Variants in MINK1 observed in about 807,000 individuals in gnomAD.
The protein encoded by MINK1 is misshapen-like kinase 1.
In MINK1, 46 loss-of-function variants were observed where a neutral mutation model predicts 178.4. The ratio of observed to expected loss-of-function variants is 0.26; its 90% CI spans 0.20 to 0.33. MINK1 has a LOEUF of 0.33. MINK1 is among the 10% of genes least tolerant of loss of function. The probability of loss-of-function intolerance (pLI) is 1.00; values close to 1 mark genes in which losing one functional copy is unlikely to be tolerated. For synonymous variants in MINK1, 797 were observed against 709.7 expected, an observed-to-expected ratio of 1.12 and a Z score of -1.96; for missense variants, 1,366 against 1,814.9, an observed-to-expected ratio of 0.75 and a Z score of 4.49.
At chr17:4,835,948 T>C (rs1434161804) in intron 1 of MINK1, among the ~76,000 whole-genome samples, 1 of 152,164 alleles carries the variant, frequency 6.6e-6, no homozygotes, top group African/African-American at 2.4e-5. Context: ...AGCATTCTGC[T>C]TCCCCCTTTC....
At chr17:4,889,522 G>T in intron 12 of MINK1, 125 bp from the exon 13 acceptor site, 1 of 839,506 alleles carries the variant, frequency 1.2e-6, no homozygotes, top group Non-Finnish European at 1.9e-6. Context: ...GCAGAAACAA[G>T]CGGAAGCCGG....
Position 4,894,409 on chromosome 17 carries a change from T to C in MINK1, c.2808+98T>C. On this transcript the variant is annotated intron_variant, in intron 23 of 31. Transcript: ENST00000355280. The surrounding 1 kb of genome is among the most constrained non-coding windows in gnomAD (Gnocchi z 4.1). Reference sequence around the variant, plus strand: ...AACGGCAGAGGATGGGGCGGAGCGCTGGGAGCTGGACAGCGGGGGTGCCAG... The same window carrying C: ...AACGGCAGAGGATGGGGCGGAGCGCCGGGAGCTGGACAGCGGGGGTGCCAG... The C allele has an allele frequency of 6.5e-7, 1 of 1,540,298 alleles. No homozygotes were observed. Among genetic ancestry groups the C allele is most frequent in the Non-Finnish European group, 8.8e-7 (1 of 1,138,030 alleles).
At chr17:4,861,343 C>CA (rs1914137909) in intron 1 of MINK1, among the ~76,000 whole-genome samples, 1 of 152,152 alleles carries the variant, frequency 6.6e-6, no homozygotes, top group Non-Finnish European at 1.5e-5. Flanking sequence ...GCAATATGTA[C>CA]AATTATACAT....
At chr17:4,857,127 T>TTGC in intron 1 of MINK1, 1 of 252,470 alleles carries the variant, frequency 4.0e-6, no homozygotes, top group Non-Finnish European at 8.0e-6. Flanking sequence ...ATAGAGACTG[T>TTGC]TGTCATCATT....
chr17:4,893,835 A>G (rs576488477), intron 21 of MINK1, 153 bp from the exon 22 acceptor site: 215 of 850,206 alleles, frequency 2.5e-4, no homozygotes, highest in Non-Finnish European at 3.7e-4. Context: ...GCAGGGAAGC[A>G]CCTCACGGTG....
At chr17:4,855,551 G>C (rs554906187) in intron 1 of MINK1, among the ~76,000 whole-genome samples, 2 of 148,174 alleles carry the variant, frequency 1.3e-5, no homozygotes, top group Admixed American at 6.9e-5. Context: ...GGGAGGCCGA[G>C]GCGGGCGGAT....
At chr17:4,839,146 T>C (rs1909778761) in intron 1 of MINK1, among the ~76,000 whole-genome samples, 1 of 152,164 alleles carries the variant, frequency 6.6e-6, no homozygotes, top group Non-Finnish European at 1.5e-5. Context: ...GGTTTCACCG[T>C]GTTAGCCAGG....
intron 1 of MINK1, among the ~76,000 whole-genome samples, chr17:4,840,497 T>C (rs559402031): frequency 1.3e-5 from 2 of 150,548 alleles, no homozygotes; most frequent in Non-Finnish European, 3.0e-5. Context: ...CTCTGGGTCC[T>C]GGGTCTGTAG....
Position 4,893,441 on chromosome 17 carries a change from T to C in MINK1, c.2408T>C (p.Val803Ala). The C allele has an allele frequency of 1.3e-6, 2 of 1,595,160 alleles. No homozygotes were observed. The highest frequency in any genetic ancestry group is 2.3e-5 in the East Asian group (1 of 44,270). ...RSRPGRPADF[V>A]LLKERTLDEA... ...CGTGGCTCCTCCCTGCAGGACTTTG[T>C]GTTGCTGAAAGAGCGGACTCTGGAC... is the stretch of plus-strand genomic sequence containing the variant. Residue 803 changes from valine to alanine, a missense_variant, in exon 21 of 32, where the codon GTG becomes GCG. Around this residue, in one of 14 missense-constraint regions of MINK1, gnomAD observed 709 missense variants for 692.3 expected, o/e 1.02. Transcript: ENST00000355280.
chr17:4,862,470 C>T (rs8078887), intron 1 of MINK1, among the ~76,000 whole-genome samples: 20,107 of 152,066 alleles, frequency 0.13, 1,625 homozygotes, highest in African/African-American at 0.23. Flanking sequence ...GCCAGGCCAA[C>T]ATGGCGAAAC....
At chr17:4,852,023 A>AAAAC (rs1567566197) in intron 1 of MINK1, among the ~76,000 whole-genome samples, 1 of 133,910 alleles carries the variant, frequency 7.5e-6, no homozygotes, top group Non-Finnish European at 1.6e-5. Flanking sequence ...AAAAAAAAAA[A>AAAAC]AAAACTAAGA....
At chr17:4,845,822 G>A (rs1000720311) in intron 1 of MINK1, among the ~76,000 whole-genome samples, 3 of 152,162 alleles carry the variant, frequency 2.0e-5, no homozygotes, top group Non-Finnish European at 2.9e-5. Context: ...TGTATTTTTA[G>A]TAGAGATGGA....
intron 1 of MINK1, among the ~76,000 whole-genome samples, chr17:4,850,520 C>CT (rs917680129): frequency 5.0e-5 from 1 of 20,054 alleles, no homozygotes; most frequent in Non-Finnish European, 2.2e-4. Context: ...TTCCTGCTGG[C>CT]CCCCCCCGCC....
At chr17:4,863,753 G>A (rs1283399114) in intron 1 of MINK1, among the ~76,000 whole-genome samples, 1 of 151,552 alleles carries the variant, frequency 6.6e-6, no homozygotes, top group Admixed American at 6.6e-5. Context: ...AGGAACAAAT[G>A]AAATGCTCAA....
At position 4,833,357 on chromosome 17, in the gene MINK1, C is replaced by T. The variant is rs1908760842; in HGVS notation, c.-227C>T. The T allele has an allele frequency of 2.1e-6, 1 of 476,022 alleles. No individual in the cohort carries two copies. Among genetic ancestry groups the T allele is most frequent in the Non-Finnish European group, 3.7e-6 (1 of 268,284 alleles). The allele number at this position is 476,022 out of a possible 1,614,324, so 29.5% of individuals were successfully genotyped here. On this transcript the variant is annotated 5_prime_UTR_variant, in exon 1 of 32. Coordinates refer to ENST00000355280, the MANE Select transcript of MINK1 (RefSeq NM_153827.5). The surrounding 1 kb of genome is among the most constrained non-coding windows in gnomAD (Gnocchi z 4.8). ...ACCCTCCCAGTGCGCGGTCGCTCCG[C>T]GCCTGCGCAGGAGAGGTGGTAGGCT...
chr17:4,890,341 G>A, intron 13 of MINK1, 176 bp from the exon 14 acceptor site: 1 of 1,428,490 alleles, frequency 7.0e-7, no homozygotes, highest in Non-Finnish European at 9.1e-7. Context: ...CTGGGAAGAT[G>A]CTTTTCAGAG....
intron 4 of MINK1, 71 bp downstream of exon 4, chr17:4,881,328 T>C (rs559869023): frequency 9.9e-5 from 144 of 1,459,342 alleles, no homozygotes; most frequent in Non-Finnish European, 1.3e-4. Flanking sequence ...TAGGACTCAG[T>C]ATCAGTGCCC....
At chr17:4,870,433 T>C (rs536282035) in intron 1 of MINK1, among the ~76,000 whole-genome samples, 175 of 152,116 alleles carry the variant, frequency 1.2e-3, no homozygotes, top group African/African-American at 4.1e-3. Flanking sequence ...CTCATTGGGT[T>C]TTGATTTGCA....
At chr17:4,883,893 G>C (rs368705411) in intron 4 of MINK1, among the ~76,000 whole-genome samples, 3 of 151,924 alleles carry the variant, frequency 2.0e-5, no homozygotes, top group South Asian at 2.1e-4. Context: ...AGAATCTGAT[G>C]AAAGTACTAG....
Sources: gnomAD v4.1 joint callset for allele counts (sites outside exome capture counted in the v4.1 genomes callset) on GRCh38, gnomAD v4.1.1 for gene constraint, gnomAD v4.1.1 regional missense constraint, Gnocchi (gnomAD v3.1) non-coding constraint, MANE v1.5 for transcripts, NCBI Gene and HGNC (gene_info 2026-07-23, HGNC 2026-07-21) for gene names.